XKR6: variants seen among roughly 807,000 people sequenced by gnomAD.
XKR6 encodes XK-related protein 6.
XKR6 carries 22 observed loss-of-function variants against 56.7 expected under a neutral mutation model. That is an observed-to-expected ratio of 0.39 (90% CI 0.28 to 0.55). The LOEUF (loss-of-function observed/expected upper bound fraction) is 0.55, where lower values mean the gene tolerates loss of function less well. Ranked by LOEUF, XKR6 falls within the 20% of genes least tolerant of loss-of-function variation. The pLI, the probability that XKR6 is intolerant of heterozygous loss-of-function variation, is 0.66. For synonymous variants in XKR6, 524 were observed against 387.8 expected, an observed-to-expected ratio of 1.35 and a Z score of -4.13; for missense variants, 852 against 889.0, an observed-to-expected ratio of 0.96 and a Z score of 0.53.
chr8:10,970,425 T>G (rs945481271), intron 1 of XKR6, among the ~76,000 whole-genome samples: 1 of 152,142 alleles, frequency 6.6e-6, no homozygotes, highest in African/African-American at 2.4e-5. Flanking sequence ...GAATATTTAT[T>G]CTCCACCATG....
chr8:11,177,292 T>C (rs1585021281), intron 1 of XKR6, among the ~76,000 whole-genome samples: 1 of 152,158 alleles, frequency 6.6e-6, no homozygotes, highest in Non-Finnish European at 1.5e-5. Context: ...TTACAGTATA[T>C]TTTCATAAAC....
chr8:11,030,391 C>T (rs1009905899), intron 1 of XKR6, among the ~76,000 whole-genome samples: 1 of 152,210 alleles, frequency 6.6e-6, no homozygotes, highest in African/African-American at 2.4e-5. Context: ...ACAGGCCTCT[C>T]TTGGTAGCTG....
At chr8:11,148,675 G>A (rs1024740200) in intron 1 of XKR6, among the ~76,000 whole-genome samples, 1 of 152,108 alleles carries the variant, frequency 6.6e-6, no homozygotes, top group African/African-American at 2.4e-5. Context: ...TCCACTCCTA[G>A]GTATTTATCG....
intron 1 of XKR6, among the ~76,000 whole-genome samples, chr8:11,031,998 G>A (rs1207284641): frequency 6.6e-6 from 1 of 152,228 alleles, no homozygotes. Flanking sequence ...TTCCAAGCAG[G>A]TGTGCGTGTC....
At chr8:11,192,641 G>A (rs1803643766) in intron 1 of XKR6, among the ~76,000 whole-genome samples, 1 of 152,076 alleles carries the variant, frequency 6.6e-6, no homozygotes, top group Non-Finnish European at 1.5e-5. Context: ...CTGAAGCCAA[G>A]TGAATGGTAA....
chr8:11,091,522 T>C (rs146940725), intron 1 of XKR6, among the ~76,000 whole-genome samples: 1 of 152,098 alleles, frequency 6.6e-6, no homozygotes, highest in Non-Finnish European at 1.5e-5. Flanking sequence ...AATTGACTGA[T>C]GACTGGATGC....
At chr8:11,099,257 C>T (rs1374686114) in intron 1 of XKR6, among the ~76,000 whole-genome samples, 1 of 152,232 alleles carries the variant, frequency 6.6e-6, no homozygotes, top group Non-Finnish European at 1.5e-5. Flanking sequence ...GGAAGCTTGG[C>T]AAGGCTGTCC....
intron 2 of XKR6, among the ~76,000 whole-genome samples, chr8:10,921,674 C>G (rs1318858394): frequency 4.6e-5 from 7 of 152,024 alleles, no homozygotes; most frequent in Non-Finnish European, 8.8e-5. Flanking sequence ...TTTCAAATGC[C>G]CCATCAGGAG....
At chr8:11,072,926 T>A (rs1800171085) in intron 1 of XKR6, among the ~76,000 whole-genome samples, 1 of 152,194 alleles carries the variant, frequency 6.6e-6, no homozygotes, top group South Asian at 2.1e-4. Context: ...GGCGGGTGCC[T>A]GTAATCCCAG....
chr8:11,071,765 A>G (rs1486737203), intron 1 of XKR6, among the ~76,000 whole-genome samples: 1 of 152,196 alleles, frequency 6.6e-6, no homozygotes, highest in Non-Finnish European at 1.5e-5. Flanking sequence ...TACGAGGCCC[A>G]AGGTCAGGCT....
chr8:10,905,092 G>C (rs1001023207), intron 2 of XKR6, among the ~76,000 whole-genome samples: 2 of 152,148 alleles, frequency 1.3e-5, no homozygotes, highest in Admixed American at 1.3e-4. Context: ...TCAGCGGGTA[G>C]CCAGGGTCAA....
intron 1 of XKR6, among the ~76,000 whole-genome samples, chr8:11,170,198 T>A (rs766734102): frequency 6.6e-6 from 1 of 152,194 alleles, no homozygotes; most frequent in Admixed American, 6.5e-5. Context: ...CCTAGGTATA[T>A]ATCCAACAAA....
chr8:11,128,115 T>A (rs1277539584), intron 1 of XKR6, among the ~76,000 whole-genome samples: 2 of 152,182 alleles, frequency 1.3e-5, no homozygotes, highest in East Asian at 3.8e-4. Flanking sequence ...AACAACAAAT[T>A]AGCTAGAATG....
intron 1 of XKR6, among the ~76,000 whole-genome samples, chr8:11,012,715 T>A (rs1181083347): frequency 6.6e-6 from 1 of 151,912 alleles, no homozygotes; most frequent in African/African-American, 2.4e-5. Flanking sequence ...CTTGTTTTAA[T>A]CTTTTCTTTG....
At chr8:10,962,254 A>G (rs1396072122) in intron 1 of XKR6, among the ~76,000 whole-genome samples, 1 of 152,172 alleles carries the variant, frequency 6.6e-6, no homozygotes. Flanking sequence ...TTATCATACA[A>G]TAGAGGTGCT....
chr8:10,939,080 C>T (rs1225435689), intron 1 of XKR6, among the ~76,000 whole-genome samples: 4 of 152,044 alleles, frequency 2.6e-5, no homozygotes, highest in Non-Finnish European at 5.9e-5. Flanking sequence ...TCTCCCAGGA[C>T]CTGCTTCTGC....
At chr8:11,115,743 GTTAT>G in intron 1 of XKR6, among the ~76,000 whole-genome samples, 1 of 152,304 alleles carries the variant, frequency 6.6e-6, no homozygotes, top group East Asian at 1.9e-4. Context: ...GCTTGTGGGA[GTTAT>G]TTGTGTCCTA....
rs71203369 is a variant in XKR6 at position 11,086,148 on chromosome 8, A to ATATATATT, written c.764+114427_764+114428insAATATATA. ...TTAAAAAGAAAATATATATATATAT[A>ATATATATT]TTTTTTTTTAAAAAAAACAAGCATA... is the stretch of plus-strand genomic sequence containing the variant. On this transcript the variant is annotated intron_variant, in intron 1 of 2. Transcript: ENST00000416569. 2.3e-3 allele frequency among the ~76,000 whole-genome samples: 279 copies of ATATATATT among 120,728 alleles called. 2 individuals carry two copies. The highest frequency in any genetic ancestry group is 2.0e-3 in the Non-Finnish European group (120 of 59,826). 79.2% of individuals were successfully genotyped at this position (120,728 alleles called of 152,430 possible).
rs1282574468 is a variant in XKR6, at chr8:10,896,741, T to C, written c.*1211A>G. ...TTATATATATGTATATATATATATA[T>C]ATTCTAGTTTTCCTCTTTGTGTTAT... On this transcript the variant is annotated 3_prime_UTR_variant, in exon 3 of 3. Coordinates refer to ENST00000416569, the MANE Select transcript of XKR6 (RefSeq NM_173683.4). The C allele has an allele frequency of 6.7e-6, 1 of 148,562 alleles. No individual in the cohort carries two copies. Among genetic ancestry groups the C allele is most frequent in the Non-Finnish European group, 1.5e-5 (1 of 67,372 alleles). 9.2% of individuals were successfully genotyped at this position (148,562 alleles called of 1,614,324 possible). A position where few individuals can be genotyped will look rare whatever the true frequency, so the allele number is the denominator to read the frequency against.
Sources: gnomAD v4.1 joint callset for allele counts (sites outside exome capture counted in the v4.1 genomes callset) on GRCh38, gnomAD v4.1.1 for gene constraint, MANE v1.5 for transcripts, NCBI Gene and HGNC (gene_info 2026-07-23, HGNC 2026-07-21) for gene names.